Variants in VDAC2 observed in about 807,000 individuals in gnomAD.
VDAC2 encodes non-selective voltage-gated ion channel VDAC2.
Under a neutral mutation model 36.6 loss-of-function variants are expected in VDAC2, and 6 were observed. The ratio of observed to expected loss-of-function variants is 0.16; its 90% CI spans 0.09 to 0.32. VDAC2 has a LOEUF of 0.32. Among genes scored for constraint, VDAC2 ranks in the 10% least tolerant of loss-of-function variants. VDAC2 has a pLI of 1.00. For synonymous variants in VDAC2, 109 were observed against 123.8 expected (o/e 0.88, Z 0.79); for missense variants, 247 against 346.0 (o/e 0.71, Z 2.27).
At position 75,212,208 on chromosome 10, in the gene VDAC2, T is replaced by G. The variant is rs1365252408; in HGVS notation, c.32-22T>G. 2.5e-6 allele frequency: 4 copies of G among 1,609,474 alleles called. No homozygotes were observed. The African/African-American group carries it at 5.3e-5, about 22-fold the overall frequency. On this transcript the variant is annotated intron_variant, in intron 2 of 9. Coordinates refer to ENST00000332211, the MANE Select transcript of VDAC2 (RefSeq NM_001391963.1). Reference sequence around the variant, plus strand: ...GGTGGGAGAATAGAGACATTAACACTGGAATGTTTTTTTTCTACCAGCAAT... The same window carrying G: ...GGTGGGAGAATAGAGACATTAACACGGGAATGTTTTTTTTCTACCAGCAAT...
At chr10:75,223,725 G>A (rs564198075) in intron 8 of VDAC2, among the ~76,000 whole-genome samples, 4 of 152,166 alleles carry the variant, frequency 2.6e-5, no homozygotes, top group Admixed American at 1.3e-4. Flanking sequence ...AGGTAGCTTC[G>A]GGCTGGAGGC....
upstream of VDAC2, among the ~76,000 whole-genome samples, chr10:75,210,380 G>A (rs1056901452): frequency 6.6e-6 from 1 of 152,236 alleles, no homozygotes; most frequent in Admixed American, 6.5e-5. Flanking sequence ...ACCCTATGCA[G>A]GGCTTTGTTT....
chr10:75,221,787 T>C (rs1841821217), intron 7 of VDAC2, among the ~76,000 whole-genome samples: 1 of 152,232 alleles, frequency 6.6e-6, no homozygotes, highest in East Asian at 1.9e-4. Flanking sequence ...TGTTTTTACC[T>C]AGCCCAAACT....
intron 9 of VDAC2, among the ~76,000 whole-genome samples, chr10:75,229,923 G>A (rs919813503): frequency 2.7e-5 from 4 of 150,190 alleles, no homozygotes; most frequent in Admixed American, 1.3e-4. Context: ...AATAAGGCCC[G>A]TCTCTTCTTT....
chr10:75,212,435 C>G, intron 3 of VDAC2, 137 bp downstream of exon 3: 1 of 800,722 alleles, frequency 1.2e-6, no homozygotes, highest in Non-Finnish European at 1.9e-6. Flanking sequence ...TTTTTTGAGA[C>G]AGGGTCTCCC....
At chr10:75,223,880 C>G (rs1841887923) in intron 8 of VDAC2, among the ~76,000 whole-genome samples, 1 of 152,156 alleles carries the variant, frequency 6.6e-6, no homozygotes, top group Non-Finnish European at 1.5e-5. Flanking sequence ...GGTCAGTGAG[C>G]TAGGTAGCTG....
At position 75,214,133 on chromosome 10, in the gene VDAC2, C is replaced by A; in HGVS notation, c.150+63C>A. 3 of 1,532,946 alleles carry A rather than the reference C, an allele frequency of 2.0e-6. No homozygotes were observed. The South Asian group carries it at 3.4e-5, about 18-fold the overall frequency. The allele number at this position is 1,532,946 out of a possible 1,614,324, so 95.0% of individuals were successfully genotyped here. On this transcript the variant is annotated intron_variant, in intron 4 of 9. Coordinates refer to ENST00000332211, the MANE Select transcript of VDAC2 (RefSeq NM_001391963.1). The stretch of plus-strand genomic sequence containing the variant: ...ATAATTTTTCAACTTGTAAAATGGT[C>A]ATAACTGAAAGATGTCTACCTGTTT...
At chr10:75,220,011 A>G (rs764448214) in intron 6 of VDAC2, among the ~76,000 whole-genome samples, 28 of 150,872 alleles carry the variant, frequency 1.9e-4, no homozygotes, top group South Asian at 4.2e-4. Flanking sequence ...TATTTTTGGT[A>G]GAGACAGGGT....
intron 8 of VDAC2, among the ~76,000 whole-genome samples, chr10:75,226,360 G>GT (rs1275887840): frequency 1.3e-5 from 2 of 151,340 alleles, no homozygotes; most frequent in African/African-American, 2.4e-5. Flanking sequence ...GACTAGAGCC[G>GT]TAAGAGTGTA....
chr10:75,222,116 T>TG (rs1841830829), intron 7 of VDAC2, 136 bp from the exon 8 acceptor site: 13 of 921,634 alleles, frequency 1.4e-5, no homozygotes, highest in Non-Finnish European at 2.1e-5. Flanking sequence ...TGTTAAAACT[T>TG]GCAAGTTTTC....
Position 75,211,126 on chromosome 10 carries a change from T to C in VDAC2, c.-25-8T>C. 6.2e-7 allele frequency: 1 copy of C among 1,606,378 alleles called. No individual in the cohort carries two copies. Among genetic ancestry groups the C allele is most frequent in the Non-Finnish European group, 8.5e-7 (1 of 1,176,398 alleles). On this transcript the variant is annotated splice_polypyrimidine_tract_variant and splice_region_variant and intron_variant, in intron 1 of 9. Coordinates refer to ENST00000332211, the MANE Select transcript of VDAC2 (RefSeq NM_001391963.1). ...CCCAGCTTACCGCACTTCTTGTCCC[T>C]CCCGCAGATTCCCCTCTTCCCGCGG...
intron 3 of VDAC2, among the ~76,000 whole-genome samples, chr10:75,213,793 C>T (rs746141345): frequency 1.3e-5 from 2 of 152,080 alleles, no homozygotes; most frequent in Non-Finnish European, 2.9e-5. Context: ...CTTTTGTGTA[C>T]CAACTACCAA....
intron 9 of VDAC2, 24 bp from the exon 10 acceptor site, chr10:75,230,874 T>C (rs767090834): frequency 1.9e-6 from 3 of 1,603,638 alleles, no homozygotes; most frequent in Non-Finnish European, 2.6e-6. Flanking sequence ...GGTTTTTTGT[T>C]TTTGTGTTTT....
chr10:75,221,213 A>G (rs533883085), intron 7 of VDAC2, among the ~76,000 whole-genome samples: 2 of 152,352 alleles, frequency 1.3e-5, no homozygotes, highest in South Asian at 4.1e-4. Flanking sequence ...GTATTTTTAC[A>G]AGAGGCATTA....
chr10:75,230,872 G>T, intron 9 of VDAC2, 26 bp from the exon 10 acceptor site: 1 of 1,602,794 alleles, frequency 6.2e-7, no homozygotes, highest in African/African-American at 1.3e-5. Flanking sequence ...ACGGTTTTTT[G>T]TTTTTGTGTT....
rs569591126 is a variant in VDAC2 at position 75,211,760 on chromosome 10, T to C, written c.32-470T>C. On this transcript the variant is annotated intron_variant, in intron 2 of 9. Transcript: ENST00000332211. Reference sequence around the variant, plus strand: ...AGTTTCAATATTTAAATTCCCAGTATTAAATTCTCTTCCCACTCCAGGGTG... The same window carrying C: ...AGTTTCAATATTTAAATTCCCAGTACTAAATTCTCTTCCCACTCCAGGGTG... The C allele has an allele frequency of 1.8e-5, 25 of 1,402,974 alleles. No homozygotes were observed. In the African/African-American group the frequency reaches 3.0e-4, roughly 17 times the overall value. 86.9% of individuals were successfully genotyped at this position (1,402,974 alleles called of 1,614,324 possible). A position where few individuals can be genotyped will look rare whatever the true frequency, so the allele number is the denominator to read the frequency against.
intron 8 of VDAC2, among the ~76,000 whole-genome samples, chr10:75,227,572 T>C (rs1039747378): frequency 7.4e-6 from 1 of 135,702 alleles, no homozygotes. Context: ...TGTTAAATAA[T>C]AGGAATTTTT....
At chr10:75,211,222 C>T (rs776223457) in intron 2 of VDAC2, 33 bp downstream of exon 2, 7 of 1,609,394 alleles carry the variant, frequency 4.3e-6, no homozygotes, top group African/African-American at 1.3e-5. Context: ...CGGGATGGGG[C>T]GGCGGAGAGT....
At chr10:75,213,862 C>T (rs11001332) in intron 3 of VDAC2, among the ~76,000 whole-genome samples, 159 bp from the exon 4 acceptor site, 28 of 152,278 alleles carry the variant, frequency 1.8e-4, no homozygotes, top group Non-Finnish European at 2.9e-4. Flanking sequence ...TTACAAAAGA[C>T]GAATTTGTAA....
Sources: allele counts gnomAD v4.1 joint callset (sites outside exome capture counted in the v4.1 genomes callset), GRCh38; gene constraint gnomAD v4.1.1; transcripts MANE v1.5; gene names NCBI Gene and HGNC (gene_info 2026-07-23, HGNC 2026-07-21).